Variants in LRBA observed in about 807,000 individuals in gnomAD.
The protein encoded by LRBA is LPS responsive beige-like anchor protein.
A neutral mutation model predicts 330.0 loss-of-function variants in LRBA; 176 were observed. The ratio of observed to expected loss-of-function variants is 0.53; its 90% CI spans 0.47 to 0.60. The LOEUF (loss-of-function observed/expected upper bound fraction) is 0.60, where lower values mean the gene tolerates loss of function less well. Among genes scored for constraint, LRBA ranks in the 20% least tolerant of loss-of-function variants. The pLI is 0.00. For missense variants in LRBA, 3,259 were observed against 3,444.8 expected, an observed-to-expected ratio of 0.95 and a Z score of 1.35; for synonymous variants, 1,230 against 1,193.0, an observed-to-expected ratio of 1.03 and a Z score of -0.64.
intron 44 of LRBA, among the ~76,000 whole-genome samples, chr4:150,443,537 G>A (rs1420652656): frequency 2.6e-5 from 4 of 152,090 alleles, no homozygotes; most frequent in African/African-American, 9.7e-5. Context: ...ATGAGTTCAT[G>A]TCCTTTGTAG....
chr4:150,444,182 G>T (rs1752286033), intron 44 of LRBA, among the ~76,000 whole-genome samples: 1 of 151,868 alleles, frequency 6.6e-6, no homozygotes, highest in African/African-American at 2.4e-5. Context: ...AACAAAAAAG[G>T]TAAATGTTGT....
intron 17 of LRBA, among the ~76,000 whole-genome samples, chr4:150,885,677 G>A (rs1372378850): frequency 2.6e-5 from 4 of 151,548 alleles, no homozygotes; most frequent in African/African-American, 9.7e-5. Context: ...GAAATCCAAA[G>A]ACAATGAAAA....
chr4:150,717,675 G>GTAATAATAATAATAATAATCATAA (rs1553944904), intron 36 of LRBA, among the ~76,000 whole-genome samples: 2 of 139,778 alleles, frequency 1.4e-5, no homozygotes, highest in Admixed American at 1.4e-4. Flanking sequence ...AACAATAATA[G>GTAATAATAATAATAATAATCATAA]TAATAATAAT....
At chr4:151,007,586 G>A (rs531119466) in intron 2 of LRBA, among the ~76,000 whole-genome samples, 136 of 150,806 alleles carry the variant, frequency 9.0e-4, no homozygotes, top group Admixed American at 2.2e-3. Context: ...GGCCGGGCGC[G>A]GTGTCTCACA....
At chr4:150,268,883 C>T (rs570708085) in intron 56 of LRBA, among the ~76,000 whole-genome samples, 20 of 152,190 alleles carry the variant, frequency 1.3e-4, no homozygotes, top group Admixed American at 4.6e-4. Context: ...TACTGAAAGT[C>T]CTAGACAGAG....
At position 150,931,090 on chromosome 4, in the gene LRBA, T is replaced by G. The variant is rs1180334331; in HGVS notation, c.217-2025A>C. ...AAATAAGAACTTTAATATAGCTGTT[T>G]TGGTTTTGTTTGTATTATTTCCTAA... On this transcript the variant is annotated intron_variant, in intron 2 of 56. Transcript: ENST00000651943. Among the ~76,000 whole-genome samples, 3 of 152,218 alleles carry G rather than the reference T, an allele frequency of 2.0e-5. No homozygotes were observed. In the East Asian group the frequency reaches 5.8e-4, roughly 29 times the overall value.
At chr4:150,408,585 C>T (rs1746521706) in intron 47 of LRBA, among the ~76,000 whole-genome samples, 1 of 151,890 alleles carries the variant, frequency 6.6e-6, no homozygotes, top group Non-Finnish European at 1.5e-5. Flanking sequence ...GAGGATATCA[C>T]AAAAAAACTG....
intron 30 of LRBA, among the ~76,000 whole-genome samples, chr4:150,819,589 T>C (rs1257003831): frequency 6.6e-6 from 1 of 152,104 alleles, no homozygotes; most frequent in Non-Finnish European, 1.5e-5. Flanking sequence ...TGAATCTCAG[T>C]GATGGGTCTA....
At chr4:150,600,192 G>T (rs1216845755) in intron 37 of LRBA, among the ~76,000 whole-genome samples, 1 of 151,828 alleles carries the variant, frequency 6.6e-6, no homozygotes, top group Non-Finnish European at 1.5e-5. Context: ...ATATACAGCA[G>T]GAACACCTGT....
At chr4:150,600,558 C>T (rs1175088694) in intron 37 of LRBA, among the ~76,000 whole-genome samples, 1 of 151,888 alleles carries the variant, frequency 6.6e-6, no homozygotes, top group African/African-American at 2.4e-5. Flanking sequence ...ATAAGAACAT[C>T]AAATATTTCC....
chr4:151,008,641 T>A (rs1338134434), intron 2 of LRBA, among the ~76,000 whole-genome samples: 1 of 151,890 alleles, frequency 6.6e-6, no homozygotes, highest in East Asian at 1.9e-4. Context: ...AAACTCATGT[T>A]ATTCAAGAGT....
At chr4:150,393,880 G>A (rs773566174) in intron 47 of LRBA, among the ~76,000 whole-genome samples, 1 of 152,170 alleles carries the variant, frequency 6.6e-6, no homozygotes, top group Admixed American at 6.5e-5. Flanking sequence ...ACCAATGCTA[G>A]ATTATTAATG....
At chr4:150,967,312 T>G (rs553734085) in intron 2 of LRBA, among the ~76,000 whole-genome samples, 50 of 152,288 alleles carry the variant, frequency 3.3e-4, no homozygotes, top group Non-Finnish European at 6.3e-4. Context: ...CAACGCAAAA[T>G]GTCAAAAAGT....
chr4:150,712,399 C>T (rs1475244717), intron 36 of LRBA, among the ~76,000 whole-genome samples: 1 of 152,094 alleles, frequency 6.6e-6, no homozygotes, highest in African/African-American at 2.4e-5. Context: ...AGTCCAGATA[C>T]ATTAACATGT....
chr4:150,526,438 T>C (rs1198206402), intron 40 of LRBA, among the ~76,000 whole-genome samples: 1 of 152,146 alleles, frequency 6.6e-6, no homozygotes, highest in Non-Finnish European at 1.5e-5. Context: ...TTACAGATTG[T>C]AAAAACAGTC....
intron 2 of LRBA, among the ~76,000 whole-genome samples, chr4:150,959,970 C>T (rs1264620695): frequency 1.4e-5 from 2 of 145,744 alleles, no homozygotes; most frequent in African/African-American, 2.7e-5. Context: ...CCAAGCTGGC[C>T]TTGAACTACT....
intron 36 of LRBA, among the ~76,000 whole-genome samples, chr4:150,734,245 T>C (rs1406753510): frequency 1.3e-5 from 2 of 152,100 alleles, no homozygotes; most frequent in Non-Finnish European, 2.9e-5. Context: ...TTTGTTGATA[T>C]AATTTATTTT....
intron 40 of LRBA, among the ~76,000 whole-genome samples, chr4:150,494,295 G>C (rs1023113943): frequency 6.6e-6 from 1 of 152,080 alleles, no homozygotes; most frequent in Non-Finnish European, 1.5e-5. Flanking sequence ...AAATTTTCCT[G>C]CACTTGGGTT....
At chr4:150,381,014 T>C (rs770506356) in intron 47 of LRBA, among the ~76,000 whole-genome samples, 71 of 150,828 alleles carry the variant, frequency 4.7e-4, no homozygotes, top group Non-Finnish European at 9.7e-4. Context: ...AAAAAGTATA[T>C]TTTGTTTTTA....
Sources: gnomAD v4.1 joint callset for allele counts (sites outside exome capture counted in the v4.1 genomes callset) on GRCh38, gnomAD v4.1.1 for gene constraint, MANE v1.5 for transcripts, NCBI Gene and HGNC (gene_info 2026-07-23, HGNC 2026-07-21) for gene names.